The following C1orf167 variants were observed in gnomAD, a reference collection of about 807,000 sequenced individuals.
The protein encoded by C1orf167 is chromosome 1 open reading frame 167.
A neutral mutation model predicts 176.5 loss-of-function variants in C1orf167; 153 were observed. The observed-to-expected ratio is 0.87, with a 90% CI of 0.76 to 0.99. The LOEUF is 0.99. Among genes scored for constraint, C1orf167 ranks in the 50% least tolerant of loss-of-function variants. The pLI, the probability that C1orf167 is intolerant of heterozygous loss-of-function variation, is 0.00. For missense variants in C1orf167, 1,490 were observed against 1,817.7 expected, an observed-to-expected ratio of 0.82 and a Z score of 3.28; for synonymous variants, 594 against 752.7, an observed-to-expected ratio of 0.79 and a Z score of 3.45.
At chr1:11,771,500 C>T (rs1643076549) in intron 6 of C1orf167, 24 bp from the exon 7 acceptor site, 2 of 1,281,802 alleles carry the variant, frequency 1.6e-6, no homozygotes, top group African/African-American at 1.5e-5. Flanking sequence ...TCATCAGCTT[C>T]TCTCTGGGCA....
chr1:11,768,166 G>A lies in C1orf167; in HGVS notation c.1433G>A (p.Arg478His), dbSNP rs755426326. ...EPAAAAVALGRWQLLRKCLQA... is the reference protein window; with the variant it reads ...EPAAAAVALGHWQLLRKCLQA... ...GCGGCGGCGGCAGTGGCACTGGGCC[G>A]CTGGCAGCTGTTGCGAAAGTGCCTT... is the stretch of plus-strand genomic sequence containing the variant. Residue 478 changes from arginine to histidine, a missense_variant, in exon 5 of 21, where the codon CGC (arginine) becomes CAC (histidine). By Grantham distance (29) the Arg-to-His change is conservative. Transcript: ENST00000688073. This position sits in a 1 kb window ranked among gnomAD's most constrained non-coding sequence, Gnocchi z 4.5. 4.3e-5 allele frequency: 55 copies of A among 1,287,848 alleles called. No individual in the cohort carries two copies. In the African/African-American group the frequency reaches 5.8e-4, roughly 14 times the overall value. 79.8% of individuals were successfully genotyped at this position (1,287,848 alleles called of 1,614,324 possible).
chr1:11,785,196 A>T lies in C1orf167; in HGVS notation c.3474A>T (p.Arg1158=), dbSNP rs1367429061. Residue 1158 remains arginine (R), a synonymous_variant, in exon 16 of 21, where the codon CGA becomes CGT. Coordinates refer to ENST00000688073, the MANE Select transcript of C1orf167 (RefSeq NM_001010881.2). ...CGGCGGTGCGCGGCGGTGTCCAGCG[A>T]GCCATCCTCACCCAGCTCCGGCCGG... is the stretch of plus-strand genomic sequence containing the variant. ...VQSAVRGGVQ[R]AILTQLRPAE... The T allele has an allele frequency of 2.3e-6, 3 of 1,291,664 alleles. No individual in the cohort carries two copies. The South Asian group carries it at 3.7e-5, about 16-fold the overall frequency. 80.0% of individuals were successfully genotyped at this position (1,291,664 alleles called of 1,614,324 possible). A position where few individuals can be genotyped will look rare whatever the true frequency, so the allele number is the denominator to read the frequency against.
At chr1:11,763,695 G>C (rs1307803099) in intron 1 of C1orf167, among the ~76,000 whole-genome samples, 1 of 152,192 alleles carries the variant, frequency 6.6e-6, no homozygotes, top group Non-Finnish European at 1.5e-5. Context: ...TTTGATTTCA[G>C]TGTTTACAGG....
Position 11,768,943 on chromosome 1 carries a change from C to T in C1orf167, c.1543-30C>T. ...CCTTGGGAGGCAGATTCAAGGCCAA[C>T]ATCTCCTTTCCCCTTCTCTCTTGAG... On this transcript the variant is annotated intron_variant, in intron 5 of 20. Transcript: ENST00000688073. This position sits in a 1 kb window ranked among gnomAD's most constrained non-coding sequence, Gnocchi z 4.5. 1.0e-6 allele frequency: 1 copy of T among 985,968 alleles called. No homozygotes were observed. The highest frequency in any genetic ancestry group is 1.2e-6 in the Non-Finnish European group (1 of 829,992). The allele number at this position is 985,968 out of a possible 1,614,324, so 61.1% of individuals were successfully genotyped here.
chr1:11,782,361 T>C, intron 14 of C1orf167, 28 bp downstream of exon 14: 1 of 1,212,238 alleles, frequency 8.2e-7, no homozygotes, highest in Non-Finnish European at 1.1e-6. Flanking sequence ...TGGGAGGGTG[T>C]TGGTCCTCCC....
At chr1:11,776,407 G>T (rs748021951) in intron 9 of C1orf167, 57 bp from the exon 10 acceptor site, 1 of 1,265,682 alleles carries the variant, frequency 7.9e-7, no homozygotes, top group South Asian at 1.3e-5. Flanking sequence ...ATCAATGGCT[G>T]TGGGCAGAGT....
chr1:11,782,460 G>T (rs1643644095), intron 14 of C1orf167, 127 bp downstream of exon 14: 6 of 933,040 alleles, frequency 6.4e-6, no homozygotes, highest in Non-Finnish European at 8.3e-6. Context: ...GAAAAAAGGG[G>T]CATGAAGGGA....
At position 11,789,249 on chromosome 1, in the gene C1orf167, TC is replaced by T. The variant is rs773814238; in HGVS notation, c.4174-19del. ...GGAGAAAGCCCACAACAATAGCATT[TC>T]CTCTCCTCCCTGGTTCCAGGCCTTT... is the stretch of plus-strand genomic sequence containing the variant. On this transcript the variant is annotated intron_variant, in intron 20 of 20. Coordinates refer to ENST00000688073, the MANE Select transcript of C1orf167 (RefSeq NM_001010881.2). 29 of 1,302,502 alleles carry T rather than the reference TC, an allele frequency of 2.2e-5. No individual in the cohort carries two copies. In the South Asian group the frequency reaches 3.6e-4, roughly 16 times the overall value. 80.7% of individuals were successfully genotyped at this position (1,302,502 alleles called of 1,614,324 possible). A position where few individuals can be genotyped will look rare whatever the true frequency, so the allele number is the denominator to read the frequency against.
At position 11,784,283 on chromosome 1, in the gene C1orf167, A is replaced by T. The variant is rs1160926308; in HGVS notation, c.3115A>T (p.Thr1039Ser). Reference sequence around the variant, plus strand: ...AAGAGCACTGGGGGCCGTGTTTGCCACATGGCGGGAAGCCCAGGAAGTGGC... The same window carrying T: ...AAGAGCACTGGGGGCCGTGTTTGCCTCATGGCGGGAAGCCCAGGAAGTGGC... ...RRRALGAVFA[T>S]WREAQEVAAG... Residue 1039 changes from threonine (T) to serine (S), a missense_variant, in exon 15 of 21, where the codon ACA becomes TCA. Physicochemically the swap from Thr to Ser is moderately conservative, Grantham distance 58. Coordinates refer to ENST00000688073, the MANE Select transcript of C1orf167 (RefSeq NM_001010881.2). The T allele has an allele frequency of 1.5e-6, 2 of 1,303,440 alleles. No homozygotes were observed. Among genetic ancestry groups the T allele is most frequent in the Non-Finnish European group, 2.0e-6 (2 of 988,598 alleles). 80.7% of individuals were successfully genotyped at this position (1,303,440 alleles called of 1,614,324 possible). A position where few individuals can be genotyped will look rare whatever the true frequency, so the allele number is the denominator to read the frequency against.
intron 8 of C1orf167, among the ~76,000 whole-genome samples, chr1:11,774,652 G>A (rs72638696): frequency 0.1 from 15,729 of 152,178 alleles, 870 homozygotes; most frequent in South Asian, 0.19. Context: ...ACCCTTGTTA[G>A]TACAGGGTAG....
chr1:11,784,121 C>T (rs1211229544), intron 14 of C1orf167, 53 bp from the exon 15 acceptor site: 3 of 1,203,186 alleles, frequency 2.5e-6, no homozygotes, highest in Non-Finnish European at 3.2e-6. Context: ...TCCCAAAGTG[C>T]TGGGATTACA....
In C1orf167 at chr1:11,784,547, C is replaced by T. The variant is rs777046650; in HGVS notation, c.3379C>T (p.Arg1127Trp). The change falls in exon 15 of 21, where the codon CGG (arginine) becomes TGG (tryptophan). Residue 1127 changes from arginine (R) to tryptophan (W), a missense_variant. By Grantham distance (101) the Arg-to-Trp change is moderately radical (BLOSUM62 -3). Transcript: ENST00000688073. ...GGCTCTGTGGGTGCATGAGTCCTGT[C>T]GGGGCCAGGTCAGCCGAGCCCATGC... ...CWALWVHESC[R>W]GQVSRAHASW... 27 of 1,288,784 alleles carry T rather than the reference C, an allele frequency of 2.1e-5. No individual in the cohort carries two copies. Among genetic ancestry groups the T allele is most frequent in the African/African-American group, 3.1e-5 (2 of 65,348 alleles). 79.8% of individuals were successfully genotyped at this position (1,288,784 alleles called of 1,614,324 possible).
chr1:11,762,474 AG>A (rs1158202017), intron 1 of C1orf167, among the ~76,000 whole-genome samples, 169 bp downstream of exon 1: 3 of 151,926 alleles, frequency 2.0e-5, no homozygotes, highest in African/African-American at 7.3e-5. Flanking sequence ...CTCCGGCGTG[AG>A]GGGCAGGGGT....
intron 6 of C1orf167, among the ~76,000 whole-genome samples, chr1:11,771,016 G>T (rs1643032298): frequency 8.5e-6 from 1 of 116,976 alleles, no homozygotes; most frequent in Non-Finnish European, 1.7e-5. Context: ...ATCACCTCTG[G>T]CAGCGTGTGT....
intron 20 of C1orf167, 167 bp downstream of exon 20, chr1:11,788,913 A>G (rs1393903129): frequency 8.6e-6 from 4 of 466,436 alleles, no homozygotes; most frequent in Non-Finnish European, 1.5e-5. Context: ...CACAGGCTGG[A>G]TGCTGGAGCC....
chr1:11,773,746 C>T (rs113504105), intron 8 of C1orf167, among the ~76,000 whole-genome samples: 11 of 152,036 alleles, frequency 7.2e-5, no homozygotes, highest in Admixed American at 2.0e-4. Context: ...AACATAACCA[C>T]AATACCACTC....
intron 1 of C1orf167, among the ~76,000 whole-genome samples, chr1:11,762,677 A>G (rs11121824): frequency 0.69 from 104,462 of 152,088 alleles, 36,903 homozygotes; most frequent in South Asian, 0.82. Flanking sequence ...CCAGGGCTGC[A>G]GTGCAGATTA....
rs970469280 is a variant in C1orf167 at position 11,787,413 on chromosome 1, C to T, written c.3593C>T (p.Thr1198Ile). 12 of 1,302,142 alleles carry T rather than the reference C, an allele frequency of 9.2e-6. No homozygotes were observed. Among genetic ancestry groups the T allele is most frequent in the Non-Finnish European group, 1.2e-5 (12 of 988,048 alleles). 80.7% of individuals were successfully genotyped at this position (1,302,142 alleles called of 1,614,324 possible). A position where few individuals can be genotyped will look rare whatever the true frequency, so the allele number is the denominator to read the frequency against. Residue 1198 changes from threonine (T) to isoleucine (I), a missense_variant, in exon 17 of 21, where the codon ACA (threonine) becomes ATA (isoleucine). Thr to Ile is a moderately conservative substitution (Grantham distance 89). Coordinates refer to ENST00000688073, the MANE Select transcript of C1orf167 (RefSeq NM_001010881.2). ...GKTRSCWTQA[T>I]ELVPPAPSLQ... is the part of the protein sequence containing the mutation. ...ACCCGCAGCTGCTGGACACAGGCCA[C>T]AGAGCTGGTGCCTCCCGCGCCATCA... is the stretch of plus-strand genomic sequence containing the variant.
At chr1:11,775,760 G>A in intron 9 of C1orf167, 150 bp downstream of exon 9, 1 of 987,696 alleles carries the variant, frequency 1.0e-6, no homozygotes, top group Non-Finnish European at 1.3e-6. Flanking sequence ...GGTGCAGGAG[G>A]GGTCCCAGAG....
Sources: allele counts gnomAD v4.1 joint callset (sites outside exome capture counted in the v4.1 genomes callset), GRCh38; gene constraint gnomAD v4.1.1; non-coding constraint Gnocchi (gnomAD v3.1); transcripts MANE v1.5; gene names NCBI Gene and HGNC (gene_info 2026-07-23, HGNC 2026-07-21).